Variants in CNTNAP5 observed in about 807,000 individuals in gnomAD.
CNTNAP5 encodes the protein contactin associated protein family member 5, also known as contactin-associated protein-like 5.
CNTNAP5 carries 72 observed loss-of-function variants against 150.2 expected under a neutral mutation model. The observed-to-expected ratio is 0.48, with a 90% confidence interval of 0.40 to 0.58. The LOEUF (loss-of-function observed/expected upper bound fraction) is 0.58. Among genes scored for constraint, CNTNAP5 ranks in the 20% least tolerant of loss-of-function variants. CNTNAP5 has a pLI of 0.00. For synonymous variants in CNTNAP5, 672 were observed against 619.8 expected (o/e 1.08, Z -1.25); for missense variants, 1,636 against 1,626.2 (o/e 1.01, Z -0.10).
chr2:124,352,734 G>C (rs551202734), intron 3 of CNTNAP5, among the ~76,000 whole-genome samples: 46 of 152,258 alleles, frequency 3.0e-4, no homozygotes, highest in Middle Eastern at 3.4e-3. Flanking sequence ...TTAGCTTCCA[G>C]GGCCTGAACA....
At chr2:124,174,489 G>C in intron 1 of CNTNAP5, among the ~76,000 whole-genome samples, 1 of 152,200 alleles carries the variant, frequency 6.6e-6, no homozygotes. Context: ...GGATGAATTT[G>C]AGAGATTCAG....
rs114970106 is a variant in CNTNAP5 at position 124,536,027 on chromosome 2, T to A, written c.1649+8571T>A. The stretch of plus-strand genomic sequence containing the variant: ...GCGGTAATACATATGTTTTAGTTCT[T>A]CTCTAAAATTGAAAGCCTTTACATT... On this transcript the variant is annotated intron_variant, in intron 10 of 23. Coordinates refer to ENST00000682447, the MANE Select transcript of CNTNAP5 (RefSeq NM_001367498.1). Among the ~76,000 whole-genome samples, 1,134 of 152,212 alleles carry A rather than the reference T, an allele frequency of 7.5e-3. 18 individuals carry two copies. Among genetic ancestry groups the A allele is most frequent in the African/African-American group, 0.026 (1,067 of 41,538 alleles).
At chr2:124,753,287 C>T (rs1290797898) in intron 14 of CNTNAP5, among the ~76,000 whole-genome samples, 1 of 152,110 alleles carries the variant, frequency 6.6e-6, no homozygotes, top group Non-Finnish European at 1.5e-5. Context: ...GAGCTTTAAG[C>T]TACTACTTAC....
At chr2:124,104,853 G>A (rs1028661493) in intron 1 of CNTNAP5, among the ~76,000 whole-genome samples, 2 of 152,084 alleles carry the variant, frequency 1.3e-5, no homozygotes, top group South Asian at 2.1e-4. Context: ...GCTGGTACTC[G>A]GGTTGCTGTT....
chr2:124,204,384 T>G (rs896615897), intron 1 of CNTNAP5, among the ~76,000 whole-genome samples: 7 of 152,188 alleles, frequency 4.6e-5, no homozygotes, highest in African/African-American at 1.7e-4. Flanking sequence ...GTTCCAAACT[T>G]TCCCACATTT....
intron 13 of CNTNAP5, among the ~76,000 whole-genome samples, chr2:124,657,084 C>T (rs60733884): frequency 0.026 from 3,997 of 152,238 alleles, 167 homozygotes; most frequent in African/African-American, 0.092. Context: ...GCAAGGAGAA[C>T]ATTAGGTCCC....
At chr2:124,761,906 T>C (rs1680962935) in intron 14 of CNTNAP5, among the ~76,000 whole-genome samples, 1 of 152,154 alleles carries the variant, frequency 6.6e-6, no homozygotes. Flanking sequence ...GTGGAAAAGA[T>C]GCCAGAATGT....
intron 1 of CNTNAP5, among the ~76,000 whole-genome samples, chr2:124,157,617 G>A (rs1404494857): frequency 6.6e-6 from 1 of 152,112 alleles, no homozygotes; most frequent in Non-Finnish European, 1.5e-5. Context: ...AAGAAAGAAA[G>A]GAAATTCCAC....
At chr2:124,719,324 G>A (rs1680006374) in intron 13 of CNTNAP5, among the ~76,000 whole-genome samples, 1 of 152,126 alleles carries the variant, frequency 6.6e-6, no homozygotes, top group Admixed American at 6.5e-5. Context: ...GTCTCTTGTA[G>A]TATGCACACA....
At position 124,865,314 on chromosome 2, in the gene CNTNAP5, C is replaced by G; in HGVS notation, c.3226C>G (p.Gln1076Glu). 1 of 1,561,378 alleles carries G rather than the reference C, an allele frequency of 6.4e-7. No homozygotes were observed. Among genetic ancestry groups the G allele is most frequent in the Non-Finnish European group, 8.7e-7 (1 of 1,151,412 alleles). Reference protein sequence around the residue: ...VVLLCKNGSLQVRYHLNKEET... With the variant: ...VVLLCKNGSLEVRYHLNKEET... ...AATATTTTTCTTTCAAGGAAGCTTA[C>G]AGGTTCGCTATCACCTAAACAAGGA... is the stretch of plus-strand genomic sequence containing the variant. Residue 1076 changes from glutamine to glutamate, a missense_variant, in exon 20 of 24, where the codon CAG becomes GAG. By Grantham distance (29) the Gln-to-Glu change is conservative. Transcript: ENST00000682447.
At position 124,033,600 on chromosome 2, in the gene CNTNAP5, G is replaced by T. The variant is rs116012665; in HGVS notation, c.82+7868G>T. On this transcript the variant is annotated intron_variant, in intron 1 of 23. Transcript: ENST00000682447. ...GGTAAGAAGTCTTTGAGATTCCAGT[G>T]CTGCCTTGCTAAACAACATGGGCAT... Among the ~76,000 whole-genome samples the T allele has an allele frequency of 6.3e-3, 966 of 152,296 alleles. 8 individuals are homozygous for T. Among genetic ancestry groups the T allele is most frequent in the African/African-American group, 0.022 (897 of 41,578 alleles).
At chr2:124,641,151 CAA>C (rs1336002439) in intron 12 of CNTNAP5, among the ~76,000 whole-genome samples, 1 of 126,582 alleles carries the variant, frequency 7.9e-6, no homozygotes, top group African/African-American at 2.9e-5. Flanking sequence ...AAAAAAAAGA[CAA>C]AAAAAAGGAC....
At chr2:124,072,437 G>C (rs761965964) in intron 1 of CNTNAP5, among the ~76,000 whole-genome samples, 10 of 151,778 alleles carry the variant, frequency 6.6e-5, no homozygotes, top group Non-Finnish European at 1.2e-4. Context: ...AGAAATCAAA[G>C]TACTTTGTTT....
chr2:124,614,299 G>T (rs1677450203), intron 12 of CNTNAP5, among the ~76,000 whole-genome samples: 1 of 152,104 alleles, frequency 6.6e-6, no homozygotes. Context: ...CCGCAAAGGG[G>T]TCCTGATCCA....
rs74925491 is a variant in CNTNAP5, at chr2:124,062,785, G to A, written c.82+37053G>A. On this transcript the variant is annotated intron_variant, in intron 1 of 23. Coordinates refer to ENST00000682447, the MANE Select transcript of CNTNAP5 (RefSeq NM_001367498.1). Reference sequence around the variant, plus strand: ...GTGAAGCAGGACACACAAAGTTAGGGTCCCTTTCTCCTTGGGAGTTTTTTT... The same window carrying A: ...GTGAAGCAGGACACACAAAGTTAGGATCCCTTTCTCCTTGGGAGTTTTTTT... Among the ~76,000 whole-genome samples the A allele has an allele frequency of 6.7e-3, 1,013 of 152,180 alleles. 9 individuals carry two copies. The highest frequency in any genetic ancestry group is 0.044 in the Middle Eastern group (13 of 294).
At chr2:124,176,907 T>C (rs575532423) in intron 1 of CNTNAP5, among the ~76,000 whole-genome samples, 1 of 148,912 alleles carries the variant, frequency 6.7e-6, no homozygotes, top group Admixed American at 6.8e-5. Flanking sequence ...TGCAATGGCA[T>C]GATCTTGGCC....
chr2:124,226,649 T>A (rs1686466790), intron 2 of CNTNAP5, among the ~76,000 whole-genome samples: 1 of 152,174 alleles, frequency 6.6e-6, no homozygotes, highest in Non-Finnish European at 1.5e-5. Flanking sequence ...TGTCTGTGCT[T>A]TAGATATCTT....
intron 1 of CNTNAP5, among the ~76,000 whole-genome samples, chr2:124,151,829 G>A (rs746936654): frequency 6.6e-5 from 10 of 152,200 alleles, no homozygotes; most frequent in East Asian, 1.9e-4. Context: ...AGTTTAGCCC[G>A]GACATACACT....
At chr2:124,747,624 T>C (rs1374326987) in intron 14 of CNTNAP5, among the ~76,000 whole-genome samples, 1 of 126,996 alleles carries the variant, frequency 7.9e-6, no homozygotes, top group East Asian at 2.3e-4. Context: ...CTTTTTTTTT[T>C]TTTTTTTTTT....
Sources: gnomAD v4.1 joint callset for allele counts (sites outside exome capture counted in the v4.1 genomes callset) on GRCh38, gnomAD v4.1.1 for gene constraint, MANE v1.5 for transcripts, NCBI Gene and HGNC (gene_info 2026-07-23, HGNC 2026-07-21) for gene names.